CTNNA3: variants seen among roughly 807,000 people sequenced by gnomAD.
CTNNA3 encodes the protein catenin alpha 3.
Under a neutral mutation model 95.7 loss-of-function variants are expected in CTNNA3, and 76 were observed. That is an observed-to-expected ratio of 0.79 (90% CI 0.66 to 0.96). CTNNA3 has a LOEUF of 0.96. CTNNA3 is among the 40% of genes least tolerant of loss of function. The probability of loss-of-function intolerance (pLI) is 0.00; values close to 1 mark genes in which losing one functional copy is unlikely to be tolerated. For synonymous variants in CTNNA3, 431 were observed against 374.4 expected, an observed-to-expected ratio of 1.15 and a Z score of -1.74; for missense variants, 1,191 against 1,089.8, an observed-to-expected ratio of 1.09 and a Z score of -1.31.
intron 13 of CTNNA3, among the ~76,000 whole-genome samples, chr10:66,182,719 C>CA (rs1007392288): frequency 2.8e-5 from 4 of 141,770 alleles, no homozygotes; most frequent in Non-Finnish European, 4.6e-5. Context: ...ATCTTAATGC[C>CA]AAAAAAAGAT....
At chr10:67,121,293 T>C (rs1215640517) in intron 7 of CTNNA3, among the ~76,000 whole-genome samples, 1 of 151,488 alleles carries the variant, frequency 6.6e-6, no homozygotes, top group Non-Finnish European at 1.5e-5. Context: ...ATCAGCTTTG[T>C]AAGAAGTTTA....
chr10:66,444,369 T>C (rs992951183), intron 11 of CTNNA3, among the ~76,000 whole-genome samples: 1 of 151,870 alleles, frequency 6.6e-6, no homozygotes, highest in African/African-American at 2.4e-5. Context: ...AGACACATAA[T>C]TGTCAGATTC....
intron 16 of CTNNA3, among the ~76,000 whole-genome samples, chr10:65,980,793 C>T (rs1347163638): frequency 2.0e-5 from 3 of 151,986 alleles, no homozygotes; most frequent in Non-Finnish European, 4.4e-5. Context: ...AATCCAGCAT[C>T]CCTTTATGAT....
chr10:66,017,712 A>T (rs1397381283), intron 15 of CTNNA3, among the ~76,000 whole-genome samples: 2 of 152,066 alleles, frequency 1.3e-5, no homozygotes, highest in African/African-American at 4.8e-5. Context: ...ATGTGGCCAA[A>T]CAGAACTATT....
rs1378396866 is a variant in CTNNA3, at chr10:66,931,240, C to T, written c.1048-155716G>A. Among the ~76,000 whole-genome samples, 3 of 113,490 alleles carry T rather than the reference C, an allele frequency of 2.6e-5. No homozygotes were observed. The Admixed American group carries it at 2.7e-4, about 10-fold the overall frequency. The allele number at this position is 113,490 out of a possible 152,430, so 74.5% of individuals were successfully genotyped here. A position where few individuals can be genotyped will look rare whatever the true frequency, so the allele number is the denominator to read the frequency against. On this transcript the variant is annotated intron_variant, in intron 7 of 17. Transcript: ENST00000433211. ...TGACCTGTTGAACTATACAACAGAA[C>T]ACAGAATACTTTGCTTTACCAAAAC...
chr10:67,282,392 G>A (rs1387738078), intron 5 of CTNNA3, among the ~76,000 whole-genome samples: 3 of 152,060 alleles, frequency 2.0e-5, no homozygotes, highest in Non-Finnish European at 4.4e-5. Context: ...AATTTGAGTA[G>A]GATGCAGAGA....
At chr10:67,251,826 G>A (rs1320804110) in intron 5 of CTNNA3, among the ~76,000 whole-genome samples, 2 of 152,148 alleles carry the variant, frequency 1.3e-5, no homozygotes, top group East Asian at 3.9e-4. Flanking sequence ...GGGAGGGGCA[G>A]TATTAACGTA....
chr10:67,271,088 C>T (rs1007787378), intron 5 of CTNNA3, among the ~76,000 whole-genome samples: 6 of 152,070 alleles, frequency 3.9e-5, no homozygotes, highest in East Asian at 1.9e-4. Context: ...AACAAACAGG[C>T]GGCTTTATCT....
intron 3 of CTNNA3, among the ~76,000 whole-genome samples, chr10:67,600,381 T>A (rs1281610304): frequency 6.6e-6 from 1 of 152,126 alleles, no homozygotes; most frequent in Non-Finnish European, 1.5e-5. Context: ...TTGGAATTTA[T>A]TTAAATTAAG....
chr10:67,539,434 C>T lies in CTNNA3; in HGVS notation c.459+69G>A, dbSNP rs11815032. ...TGAAGCCAAGATGCACTAGGATCGA[C>T]GCCAGGTTCAGAGAATGAAATTAGA... On this transcript the variant is annotated intron_variant, in intron 4 of 17. Transcript: ENST00000433211. The T allele has an allele frequency of 0.045, 68,991 of 1,547,396 alleles. 1,855 individuals are homozygous for T. The highest frequency in any genetic ancestry group is 0.054 in the Non-Finnish European group (60,560 of 1,126,190).
At chr10:66,239,909 A>G (rs1221401137) in intron 13 of CTNNA3, among the ~76,000 whole-genome samples, 1 of 151,962 alleles carries the variant, frequency 6.6e-6, no homozygotes, top group Non-Finnish European at 1.5e-5. Flanking sequence ...AAGAAACTAT[A>G]AACACTAAAG....
intron 5 of CTNNA3, among the ~76,000 whole-genome samples, chr10:67,253,456 C>T (rs1372101161): frequency 6.6e-6 from 1 of 152,026 alleles, no homozygotes; most frequent in Admixed American, 6.6e-5. Flanking sequence ...TAGAAAGATA[C>T]AAGGAAAATG....
At position 67,694,438 on chromosome 10, in the gene CTNNA3, C is replaced by A. The variant is rs191035337; in HGVS notation, c.-6+1562G>T. 3.1e-3 allele frequency among the ~76,000 whole-genome samples: 466 copies of A among 152,180 alleles called. 3 individuals carry two copies. Among genetic ancestry groups the A allele is most frequent in the African/African-American group, 0.01 (432 of 41,566 alleles). ...CACATCTTAAATATCACAACTTTTA[C>A]CTTCAAACATAGTGTTCTCTAATCC... On this transcript the variant is annotated intron_variant, in intron 1 of 17. Transcript: ENST00000433211.
At chr10:67,098,524 G>A (rs186527454) in intron 7 of CTNNA3, 1 of 152,262 alleles carries the variant, frequency 6.6e-6, no homozygotes, top group East Asian at 1.9e-4. Context: ...TTGAATTACA[G>A]CCTAGTTTCT....
At position 66,640,513 on chromosome 10, in the gene CTNNA3, T is replaced by G. The variant is rs186733390; in HGVS notation, c.1282-18729A>C. Among the ~76,000 whole-genome samples, 48 of 152,296 alleles carry G rather than the reference T, an allele frequency of 3.2e-4. 1 individual carries two copies. The East Asian group carries it at 8.9e-3, about 28-fold the overall frequency. ...CATTCATTGTAAGTCAGCTGCTGCT[T>G]CTACCCAATTCTACCTTTCTCCCTT... is the stretch of plus-strand genomic sequence containing the variant. On this transcript the variant is annotated intron_variant, in intron 9 of 17. Coordinates refer to ENST00000433211, the MANE Select transcript of CTNNA3 (RefSeq NM_013266.4).
intron 10 of CTNNA3, among the ~76,000 whole-genome samples, chr10:66,548,816 T>C (rs1393337255): frequency 6.6e-6 from 1 of 152,022 alleles, no homozygotes; most frequent in Admixed American, 6.6e-5. Context: ...TTCTAGTTGG[T>C]CATAACATAT....
At chr10:66,928,149 C>T (rs1408209322) in intron 7 of CTNNA3, 3 of 1,614,100 alleles carry the variant, frequency 1.9e-6, no homozygotes, top group African/African-American at 1.3e-5. Flanking sequence ...CCGATGCTGA[C>T]GCCGAGCACA....
intron 9 of CTNNA3, among the ~76,000 whole-genome samples, chr10:66,718,756 T>A (rs12783153): frequency 0.024 from 3,617 of 151,990 alleles, 178 homozygotes; most frequent in East Asian, 0.22. Flanking sequence ...GGCCAAAAAC[T>A]GTGCTTGTCA....
At chr10:67,733,358 G>A (rs955423806) in intron 1 of CTNNA3, among the ~76,000 whole-genome samples, 9 of 152,126 alleles carry the variant, frequency 5.9e-5, no homozygotes, top group African/African-American at 4.8e-5. Flanking sequence ...ATTTGAATGC[G>A]TTAAAGGTAT....
Sources: allele counts gnomAD v4.1 joint callset (sites outside exome capture counted in the v4.1 genomes callset), GRCh38; gene constraint gnomAD v4.1.1; transcripts MANE v1.5; gene names NCBI Gene and HGNC (gene_info 2026-07-23, HGNC 2026-07-21).